PKHD1L1: variants seen among roughly 807,000 people sequenced by gnomAD.
PKHD1L1 encodes PKHD1 like 1.
PKHD1L1 carries 434 observed loss-of-function variants against 462.9 expected under a neutral mutation model. That is an observed-to-expected ratio of 0.94 (90% CI 0.87 to 1.02). PKHD1L1 has a LOEUF of 1.02. PKHD1L1 is among the 50% of genes least tolerant of loss of function. The pLI, the probability that PKHD1L1 is intolerant of heterozygous loss-of-function variation, is 0.00. For missense variants in PKHD1L1, 5,202 were observed against 5,096.1 expected (o/e 1.02, Z -0.63); for synonymous variants, 1,781 against 1,750.0 (o/e 1.02, Z -0.44).
At chr8:109,422,800 T>C (rs1450916523) in intron 23 of PKHD1L1, among the ~76,000 whole-genome samples, 1 of 152,202 alleles carries the variant, frequency 6.6e-6, no homozygotes, top group Non-Finnish European at 1.5e-5. Context: ...ACCATATTTT[T>C]TTTCTGAAGT....
chr8:109,423,474 G>A (rs1814579221), intron 23 of PKHD1L1, among the ~76,000 whole-genome samples: 1 of 151,866 alleles, frequency 6.6e-6, no homozygotes, highest in Non-Finnish European at 1.5e-5. Context: ...TCTTTCCATT[G>A]GTCTATGTGT....
chr8:109,435,447 C>A, intron 29 of PKHD1L1, 93 bp downstream of exon 29: 1 of 1,320,108 alleles, frequency 7.6e-7, no homozygotes, highest in Non-Finnish European at 1.0e-6. Context: ...GAGAGGATCC[C>A]AAAGCTTCCT....
chr8:109,437,073 G>A (rs570430328), intron 30 of PKHD1L1, among the ~76,000 whole-genome samples: 8 of 152,024 alleles, frequency 5.3e-5, no homozygotes, highest in African/African-American at 9.7e-5. Flanking sequence ...GTACCACCAC[G>A]CCCAGCTAAT....
At position 109,504,494 on chromosome 8, in the gene PKHD1L1, T is replaced by C. The variant is rs1184065109; in HGVS notation, c.10994+2T>C. Reference sequence around the variant, plus strand: ...ATTTATACATAGGCCTGATATAAGGTAAAATACATAAAAATTGTGGTTTTT... The same window carrying C: ...ATTTATACATAGGCCTGATATAAGGCAAAATACATAAAAATTGTGGTTTTT... On this transcript the variant is annotated splice_donor_variant, in intron 68 of 77. Coordinates refer to ENST00000378402, the MANE Select transcript of PKHD1L1 (RefSeq NM_177531.6). LOFTEE classifies it high-confidence loss of function. The C allele has an allele frequency of 6.9e-7, 1 of 1,446,550 alleles. No individual in the cohort carries two copies. The highest frequency in any genetic ancestry group is 1.5e-5 in the African/African-American group (1 of 67,740). 89.6% of individuals were successfully genotyped at this position (1,446,550 alleles called of 1,614,324 possible).
chr8:109,452,694 A>G (rs1816600426), intron 42 of PKHD1L1, 24 bp from the exon 43 acceptor site: 19 of 1,363,144 alleles, frequency 1.4e-5, no homozygotes, highest in East Asian at 2.8e-5. Flanking sequence ...CCTAAATTTT[A>G]AGGTCTCTTA....
At chr8:109,503,286 C>CA (rs1037586374) in intron 67 of PKHD1L1, among the ~76,000 whole-genome samples, 1 of 143,270 alleles carries the variant, frequency 7.0e-6, no homozygotes, top group Non-Finnish European at 1.5e-5. Context: ...TCTCAAAAAA[C>CA]AAAAAACAAA....
At position 109,413,374 on chromosome 8, in the gene PKHD1L1, T is replaced by C. The variant is rs570760978; in HGVS notation, c.2236-47T>C. 157 of 1,258,538 alleles carry C rather than the reference T, an allele frequency of 1.2e-4. No individual in the cohort carries two copies. In the Middle Eastern group the frequency reaches 1.6e-3, roughly 13 times the overall value. The allele number at this position is 1,258,538 out of a possible 1,614,324, so 78.0% of individuals were successfully genotyped here. On this transcript the variant is annotated intron_variant, in intron 20 of 77. Coordinates refer to ENST00000378402, the MANE Select transcript of PKHD1L1 (RefSeq NM_177531.6). Reference sequence around the variant, plus strand: ...ATTTATTTGAATTGTTGTGAAACAATGTAATGGTAATATATTGTTACCAAT... The same window carrying C: ...ATTTATTTGAATTGTTGTGAAACAACGTAATGGTAATATATTGTTACCAAT...
chr8:109,419,999 T>C (rs1478524359), intron 22 of PKHD1L1, among the ~76,000 whole-genome samples: 1 of 152,140 alleles, frequency 6.6e-6, no homozygotes, highest in Non-Finnish European at 1.5e-5. Context: ...TGGTAGAACA[T>C]GTATAAGACA....
chr8:109,509,077 A>C (rs1408214557), intron 70 of PKHD1L1, among the ~76,000 whole-genome samples: 2 of 152,156 alleles, frequency 1.3e-5, no homozygotes, highest in Non-Finnish European at 2.9e-5. Flanking sequence ...TTGTAGTGTC[A>C]TAACATGTAC....
At chr8:109,433,326 A>G (rs1815215993) in intron 28 of PKHD1L1, 110 bp downstream of exon 28, 6 of 956,724 alleles carry the variant, frequency 6.3e-6, no homozygotes, top group Non-Finnish European at 9.6e-6. Context: ...ATGATCCAGT[A>G]TTACAATTAT....
chr8:109,398,148 T>C (rs898082101), intron 11 of PKHD1L1, among the ~76,000 whole-genome samples: 6 of 152,120 alleles, frequency 3.9e-5, no homozygotes, highest in Non-Finnish European at 7.4e-5. Context: ...AAAATATAAG[T>C]TTTTACTTTG....
At chr8:109,376,688 G>A (rs908058452) in intron 2 of PKHD1L1, among the ~76,000 whole-genome samples, 8 of 152,172 alleles carry the variant, frequency 5.3e-5, no homozygotes, top group Non-Finnish European at 1.2e-4. Context: ...AAGAGCAGGT[G>A]TCTACTGAGA....
chr8:109,443,231 G>A (rs1402669218), intron 36 of PKHD1L1, 115 bp downstream of exon 36: 8 of 977,202 alleles, frequency 8.2e-6, no homozygotes, highest in South Asian at 3.2e-5. Flanking sequence ...TACTAGCCAC[G>A]TGACCTTGAA....
Position 109,465,029 on chromosome 8 carries a change from A to G in PKHD1L1, c.8197A>G (p.Ser2733Gly), listed in dbSNP as rs1360540879. ...AGCAAAAGGCCTGGTTCTCCCATTTAGTGAAGGCTTGACTGTCTCTTCTGT... is the reference window on the plus strand; with the variant it reads ...AGCAAAAGGCCTGGTTCTCCCATTTGGTGAAGGCTTGACTGTCTCTTCTGT... ...CTAKGLVLPF[S>G]EGLTVSSVHF... Residue 2733 changes from serine (S) to glycine (G), a missense_variant, in exon 49 of 78, where the codon AGT (serine) becomes GGT (glycine). This residue lies in a region of PKHD1L1 where 4,497 missense variants were observed against 4,336.8 expected (regional missense o/e 1.04). Coordinates refer to ENST00000378402, the MANE Select transcript of PKHD1L1 (RefSeq NM_177531.6). 3 of 1,613,712 alleles carry G rather than the reference A, an allele frequency of 1.9e-6. No homozygotes were observed. In the African/African-American group the frequency reaches 4.0e-5, roughly 22 times the overall value.
rs1411035897 is a variant in PKHD1L1, at chr8:109,507,773, A to C, written c.11105A>C (p.Gln3702Pro). The C allele has an allele frequency of 1.7e-5, 28 of 1,613,448 alleles. No individual in the cohort carries two copies. Among genetic ancestry groups the C allele is most frequent in the Non-Finnish European group, 2.3e-5 (27 of 1,179,650 alleles). Residue 3702 changes from glutamine to proline, a missense_variant, in exon 69 of 78, where the codon CAA becomes CCA. This residue lies in a region of PKHD1L1 where 698 missense variants were observed against 736.3 expected (regional missense o/e 0.95). Transcript: ENST00000378402. Reference protein sequence around the residue: ...FLGNAGSVIPQAEYEWDGNSQ... With the variant: ...FLGNAGSVIPPAEYEWDGNSQ... ...GGGAATGCTGGTTCTGTGATACCTC[A>C]AGCAGAATATGAATGGGACGGAAAC... is the stretch of plus-strand genomic sequence containing the variant.
intron 55 of PKHD1L1, chr8:109,480,785 C>A: frequency 3.7e-6 from 1 of 269,812 alleles, no homozygotes; most frequent in African/African-American, 2.2e-5. Context: ...AGTCCAGAAA[C>A]TTGGTTATTA....
At chr8:109,520,220 G>A (rs543446579) in intron 73 of PKHD1L1, among the ~76,000 whole-genome samples, 13 of 152,166 alleles carry the variant, frequency 8.5e-5, no homozygotes, top group African/African-American at 3.1e-4. Flanking sequence ...CGTCAGTTCT[G>A]TACTCACTTG....
At chr8:109,387,148 G>C (rs73700874) in intron 6 of PKHD1L1, among the ~76,000 whole-genome samples, 1,647 of 152,292 alleles carry the variant, frequency 0.011, 26 homozygotes, top group African/African-American at 0.036. Flanking sequence ...GCAATGGGCT[G>C]TGTTCTGGGC....
chr8:109,430,190 GA>G (rs1815018192), intron 27 of PKHD1L1, among the ~76,000 whole-genome samples, 153 bp downstream of exon 27: 1 of 151,636 alleles, frequency 6.6e-6, no homozygotes, highest in Non-Finnish European at 1.5e-5. Context: ...CCCTATCAGA[GA>G]AAAAAACTAT....
Sources: gnomAD v4.1 joint callset for allele counts (sites outside exome capture counted in the v4.1 genomes callset) on GRCh38, gnomAD v4.1.1 for gene constraint, gnomAD v4.1.1 regional missense constraint, MANE v1.5 for transcripts, NCBI Gene and HGNC (gene_info 2026-07-23, HGNC 2026-07-21) for gene names.